CDKAL1: variants seen among roughly 807,000 people sequenced by gnomAD.
CDKAL1 encodes CDKAL1 threonylcarbamoyladenosine tRNA methylthiotransferase, also known as threonylcarbamoyladenosine tRNA methylthiotransferase.
In CDKAL1, 32 loss-of-function variants were observed where a neutral mutation model predicts 68.2. The observed-to-expected ratio is 0.47, with a 90% CI of 0.35 to 0.63. The LOEUF is 0.63. Among genes scored for constraint, CDKAL1 ranks in the 30% least tolerant of loss-of-function variants. The pLI is 0.00. For missense variants in CDKAL1, 606 were observed against 696.7 expected, an observed-to-expected ratio of 0.87 and a Z score of 1.47; for synonymous variants, 234 against 244.3, an observed-to-expected ratio of 0.96 and a Z score of 0.39.
chr6:21,056,368 G>C (rs564265365), intron 11 of CDKAL1, among the ~76,000 whole-genome samples: 1 of 152,198 alleles, frequency 6.6e-6, no homozygotes, highest in South Asian at 2.1e-4. Context: ...TTTGCACCTT[G>C]ATTTTGTATC....
chr6:20,849,726 T>G (rs1408034028), intron 9 of CDKAL1, among the ~76,000 whole-genome samples: 1 of 152,226 alleles, frequency 6.6e-6, no homozygotes, highest in Non-Finnish European at 1.5e-5. Flanking sequence ...TGATGGATTT[T>G]TCTTTTGAGT....
At chr6:21,048,320 C>T (rs764728201) in intron 11 of CDKAL1, among the ~76,000 whole-genome samples, 1 of 152,028 alleles carries the variant, frequency 6.6e-6, no homozygotes. Context: ...CTGACCTGAT[C>T]GGGGTAAACT....
intron 12 of CDKAL1, among the ~76,000 whole-genome samples, chr6:21,076,363 TCACA>T (rs1268900498): frequency 6.6e-6 from 1 of 152,136 alleles, no homozygotes; most frequent in Non-Finnish European, 1.5e-5. Flanking sequence ...ATTTTATTTT[TCACA>T]CACACACAGA....
intron 13 of CDKAL1, among the ~76,000 whole-genome samples, chr6:21,175,106 C>G (rs1053469441): frequency 6.6e-6 from 1 of 152,044 alleles, no homozygotes; most frequent in Non-Finnish European, 1.5e-5. Flanking sequence ...GGAAATGGAT[C>G]AGAGAGACAT....
At chr6:21,162,094 A>G (rs182869233) in intron 13 of CDKAL1, among the ~76,000 whole-genome samples, 2 of 152,286 alleles carry the variant, frequency 1.3e-5, no homozygotes, top group East Asian at 3.9e-4. Context: ...TGAGGTTGAG[A>G]TATGTCCTGG....
chr6:21,016,612 TCATCCATC>T lies in CDKAL1; in HGVS notation c.1055+16293_1055+16300del, dbSNP rs3061573. ...TCAATTCTGTCCCCACGCCTTCCAT[TCATCCATC>T]CATCCATCCATCCATCCATCCATCC... On this transcript the variant is annotated intron_variant, in intron 11 of 15. Transcript: ENST00000274695. Among the ~76,000 whole-genome samples, 1,404 of 144,096 alleles carry T rather than the reference TCATCCATC, an allele frequency of 9.7e-3. 13 individuals carry two copies. Among genetic ancestry groups the T allele is most frequent in the Middle Eastern group, 0.028 (8 of 290 alleles). The allele number at this position is 144,096 out of a possible 152,430, so 94.5% of individuals were successfully genotyped here. A position where few individuals can be genotyped will look rare whatever the true frequency, so the allele number is the denominator to read the frequency against.
At chr6:20,937,569 T>A (rs958882281) in intron 9 of CDKAL1, among the ~76,000 whole-genome samples, 3 of 152,248 alleles carry the variant, frequency 2.0e-5, no homozygotes, top group Non-Finnish European at 4.4e-5. Flanking sequence ...CCAAGTCTCC[T>A]CAGTCTCTTC....
chr6:20,938,962 G>C (rs746917877), intron 9 of CDKAL1, among the ~76,000 whole-genome samples: 1 of 152,012 alleles, frequency 6.6e-6, no homozygotes, highest in Non-Finnish European at 1.5e-5. Flanking sequence ...TCATCTCAAT[G>C]TCCCCTCCTC....
At chr6:20,967,990 A>G (rs572373162) in intron 10 of CDKAL1, among the ~76,000 whole-genome samples, 2 of 152,196 alleles carry the variant, frequency 1.3e-5, no homozygotes, top group East Asian at 1.9e-4. Flanking sequence ...AGGATCCCTT[A>G]TCTATAAGTT....
At chr6:20,968,931 T>C (rs1306412376) in intron 10 of CDKAL1, among the ~76,000 whole-genome samples, 2 of 152,102 alleles carry the variant, frequency 1.3e-5, no homozygotes, top group Non-Finnish European at 2.9e-5. Context: ...GTTTCTATTG[T>C]CTCCTTTTTT....
intron 4 of CDKAL1, among the ~76,000 whole-genome samples, chr6:20,549,035 T>C (rs914503313): frequency 2.6e-5 from 4 of 152,200 alleles, no homozygotes; most frequent in Non-Finnish European, 5.9e-5. Flanking sequence ...ATCTAAACTG[T>C]AGATCGTATT....
intron 12 of CDKAL1, among the ~76,000 whole-genome samples, chr6:21,069,520 G>T (rs926847435): frequency 6.6e-6 from 1 of 151,866 alleles, no homozygotes; most frequent in African/African-American, 2.4e-5. Flanking sequence ...GTGATATATT[G>T]CTATTGATAA....
intron 13 of CDKAL1, among the ~76,000 whole-genome samples, chr6:21,179,436 C>T (rs1020473284): frequency 6.6e-6 from 1 of 152,162 alleles, no homozygotes; most frequent in African/African-American, 2.4e-5. Flanking sequence ...CAAGTAGTTC[C>T]TCAAGGGGCA....
intron 8 of CDKAL1, among the ~76,000 whole-genome samples, chr6:20,785,645 G>T (rs762830781): frequency 1.2e-4 from 18 of 151,924 alleles, no homozygotes; most frequent in Non-Finnish European, 2.2e-4. Flanking sequence ...GGAGCTCATT[G>T]CTTTTTTTCA....
chr6:20,974,840 A>G (rs988802765), intron 10 of CDKAL1, among the ~76,000 whole-genome samples: 3 of 151,066 alleles, frequency 2.0e-5, no homozygotes, highest in Non-Finnish European at 4.4e-5. Flanking sequence ...TTAGCTGGGC[A>G]TGGTTGTATG....
At chr6:20,901,699 A>AAGAAG (rs1554137983) in intron 9 of CDKAL1, among the ~76,000 whole-genome samples, 2 of 75,944 alleles carry the variant, frequency 2.6e-5, no homozygotes, top group African/African-American at 1.1e-4. Flanking sequence ...AAAAAAAAAA[A>AAGAAG]AAAAGAAAAG....
chr6:20,610,908 C>T (rs1367419005), intron 4 of CDKAL1, among the ~76,000 whole-genome samples: 2 of 152,146 alleles, frequency 1.3e-5, no homozygotes, highest in Admixed American at 1.3e-4. Flanking sequence ...AACTTGGGCT[C>T]ATGTGATCCT....
intron 8 of CDKAL1, among the ~76,000 whole-genome samples, chr6:20,837,937 T>TTGTGTGTGG (rs1554128800): frequency 8.1e-6 from 1 of 123,176 alleles, no homozygotes; most frequent in East Asian, 2.5e-4. Context: ...TGGGAAGAAA[T>TTGTGTGTGG]TGTGTGTGTG....
At chr6:20,561,446 G>GAAAAAAAAAAAAAA (rs55750789) in intron 4 of CDKAL1, among the ~76,000 whole-genome samples, 5 of 79,646 alleles carry the variant, frequency 6.3e-5, no homozygotes, top group African/African-American at 1.5e-4. Context: ...TCTCAAAAAA[G>GAAAAAAAAAAAAAA]AAAAAAAAAA....
Sources: allele counts gnomAD v4.1 joint callset (sites outside exome capture counted in the v4.1 genomes callset), GRCh38; gene constraint gnomAD v4.1.1; transcripts MANE v1.5; gene names NCBI Gene and HGNC (gene_info 2026-07-23, HGNC 2026-07-21).